Variants in CCDC171 observed in about 807,000 individuals in gnomAD.
CCDC171 encodes the protein coiled-coil domain containing 171.
A neutral mutation model predicts 168.2 loss-of-function variants in CCDC171; 177 were observed. The observed-to-expected ratio is 1.05, with a 90% CI of 0.93 to 1.19. The LOEUF (loss-of-function observed/expected upper bound fraction) is 1.19. Ranked by LOEUF, CCDC171 falls within the 50% of genes most tolerant of loss-of-function variation. The pLI, the probability that CCDC171 is intolerant of heterozygous loss-of-function variation, is 0.00. For synonymous variants in CCDC171, 687 were observed against 540.8 expected (o/e 1.27, Z -3.75); for missense variants, 1,991 against 1,539.0 (o/e 1.29, Z -4.91).
intron 15 of CCDC171, among the ~76,000 whole-genome samples, chr9:15,729,272 C>T (rs566077609): frequency 1.3e-5 from 2 of 151,926 alleles, no homozygotes; most frequent in South Asian, 4.2e-4. Flanking sequence ...CTTTTTTTCC[C>T]ATTGAGATAT....
chr9:16,087,557 C>CTTTTTTTTTTTTTT, the CCDC171 span, among the ~76,000 whole-genome samples: 9 of 78,792 alleles, frequency 1.1e-4, no homozygotes, highest in Middle Eastern at 0.01. Flanking sequence ...GCAACTCCTG[C>CTTTTTTTTTTTTTT]TTTTTTTTTT....
At chr9:15,977,853 T>G (rs1207759066), downstream of CCDC171, among the ~76,000 whole-genome samples, 1 of 152,216 alleles carries the variant, frequency 6.6e-6, no homozygotes. Flanking sequence ...TTCTGTGTTT[T>G]GGGTGTCTAT....
chr9:15,923,565 A>G (rs1379817235), intron 25 of CCDC171, among the ~76,000 whole-genome samples: 2 of 151,316 alleles, frequency 1.3e-5, no homozygotes, highest in East Asian at 1.9e-4. Context: ...TAGGAGAAAT[A>G]AGTTCTAGAT....
At chr9:15,600,937 A>C (rs145534717) in intron 6 of CCDC171, among the ~76,000 whole-genome samples, 1 of 152,160 alleles carries the variant, frequency 6.6e-6, no homozygotes, top group East Asian at 1.9e-4. Flanking sequence ...CTCCGAGCCA[A>C]GCGCGGGATA....
chr9:15,639,592 TAC>T (rs2046441331), intron 7 of CCDC171, among the ~76,000 whole-genome samples: 1 of 152,126 alleles, frequency 6.6e-6, no homozygotes, highest in African/African-American at 2.4e-5. Flanking sequence ...ATAAAAAAAT[TAC>T]AGTGTTCTCC....
intron 6 of CCDC171, among the ~76,000 whole-genome samples, chr9:16,026,877 A>G (rs1833284908): frequency 6.6e-6 from 1 of 152,268 alleles, no homozygotes; most frequent in South Asian, 2.1e-4. Flanking sequence ...GTAAATATGT[A>G]TTATATTAAT....
intron 7 of CCDC171, among the ~76,000 whole-genome samples, chr9:15,640,277 C>T (rs1236182964): frequency 6.6e-6 from 1 of 152,094 alleles, no homozygotes; most frequent in Non-Finnish European, 1.5e-5. Flanking sequence ...CTTCCTTCCT[C>T]TTCTCTTTTA....
At chr9:15,643,322 A>T (rs1346313736) in intron 7 of CCDC171, among the ~76,000 whole-genome samples, 1 of 152,130 alleles carries the variant, frequency 6.6e-6, no homozygotes, top group Non-Finnish European at 1.5e-5. Flanking sequence ...TACTTTCTTA[A>T]AGAAAAAATT....
chr9:15,909,405 C>T (rs970631030), intron 24 of CCDC171, among the ~76,000 whole-genome samples: 22 of 63,178 alleles, frequency 3.5e-4, no homozygotes, highest in Admixed American at 2.1e-3. Flanking sequence ...TGTGCGTACA[C>T]ACACACACAC....
At chr9:16,069,131 T>C in the CCDC171 span, among the ~76,000 whole-genome samples, 1 of 152,244 alleles carries the variant, frequency 6.6e-6, no homozygotes, top group African/African-American at 2.4e-5. Context: ...TATACACTTT[T>C]ATTACACTGG....
intron 14 of CCDC171, among the ~76,000 whole-genome samples, chr9:15,727,252 C>T (rs905609052): frequency 1.3e-5 from 2 of 152,244 alleles, no homozygotes; most frequent in Non-Finnish European, 2.9e-5. Context: ...ATGAGCCCAT[C>T]TTCCATATCT....
At chr9:16,076,744 T>G in the CCDC171 span, among the ~76,000 whole-genome samples, 29 of 152,300 alleles carry the variant, frequency 1.9e-4, no homozygotes, top group Non-Finnish European at 4.1e-4. Flanking sequence ...ACAATTACAT[T>G]GTTGAAACCC....
chr9:15,789,790 C>G (rs1341339235), intron 21 of CCDC171, among the ~76,000 whole-genome samples: 3 of 140,338 alleles, frequency 2.1e-5, no homozygotes, highest in African/African-American at 7.8e-5. Context: ...TGTGATGTTC[C>G]CCTTCCTGTG....
chr9:15,881,251 G>A (rs1818599485), intron 24 of CCDC171, among the ~76,000 whole-genome samples: 1 of 152,120 alleles, frequency 6.6e-6, no homozygotes, highest in Admixed American at 6.6e-5. Flanking sequence ...CCTAAGCAAT[G>A]CTAAACAAAA....
At chr9:16,085,757 T>G in the CCDC171 span, among the ~76,000 whole-genome samples, 1 of 152,236 alleles carries the variant, frequency 6.6e-6, no homozygotes, top group Non-Finnish European at 1.5e-5. Flanking sequence ...CATTCTTCAC[T>G]GCATGCAATA....
chr9:15,987,672 A>G (rs186950918), intron 3 of CCDC171, among the ~76,000 whole-genome samples: 9 of 148,666 alleles, frequency 6.1e-5, no homozygotes, highest in African/African-American at 2.0e-4. Context: ...ATATATTGAC[A>G]TGAAAAGTTG....
the CCDC171 span, among the ~76,000 whole-genome samples, chr9:16,085,379 G>A: frequency 1.3e-5 from 2 of 152,200 alleles, no homozygotes; most frequent in Admixed American, 6.5e-5. Context: ...GCTGCATGTA[G>A]CACTGAAATG....
chr9:15,721,382 T>TA (rs2053465338), intron 11 of CCDC171, among the ~76,000 whole-genome samples: 1 of 152,080 alleles, frequency 6.6e-6, no homozygotes, highest in South Asian at 2.1e-4. Context: ...TGGTAATGTA[T>TA]ACTTCATTTA....
rs189378734 is a variant in CCDC171 at position 15,591,155 on chromosome 9, G to A, written c.353-211G>A. Among the ~76,000 whole-genome samples, 6 of 152,164 alleles carry A rather than the reference G, an allele frequency of 3.9e-5. No homozygotes were observed. The East Asian group carries it at 9.7e-4, about 25-fold the overall frequency. ...ATTGTCTGAAGGGGAAGAAGAGATCGAAAATTATAGAATAGATTGATTTAG... is the reference window on the plus strand; with the variant it reads ...ATTGTCTGAAGGGGAAGAAGAGATCAAAAATTATAGAATAGATTGATTTAG... On this transcript the variant is annotated intron_variant, in intron 4 of 25. Transcript: ENST00000380701.
Sources: gnomAD v4.1 joint callset for allele counts (sites outside exome capture counted in the v4.1 genomes callset) on GRCh38, gnomAD v4.1.1 for gene constraint, MANE v1.5 for transcripts, NCBI Gene and HGNC (gene_info 2026-07-23, HGNC 2026-07-21) for gene names.